COL24A1: variants seen among roughly 807,000 people sequenced by gnomAD.
COL24A1 encodes the protein collagen type XXIV alpha 1 chain.
A neutral mutation model predicts 253.9 loss-of-function variants in COL24A1; 224 were observed. The ratio of observed to expected loss-of-function variants is 0.88; its 90% CI spans 0.79 to 0.99. The LOEUF (loss-of-function observed/expected upper bound fraction) is 0.99. COL24A1 is among the 50% of genes least tolerant of loss of function. The pLI is 0.00. For synonymous variants in COL24A1, 685 were observed against 673.7 expected, an observed-to-expected ratio of 1.02 and a Z score of -0.26; for missense variants, 2,131 against 2,068.5, an observed-to-expected ratio of 1.03 and a Z score of -0.59.
intron 43 of COL24A1, among the ~76,000 whole-genome samples, chr1:85,828,515 C>T (rs1405847624): frequency 6.6e-6 from 1 of 151,408 alleles, no homozygotes; most frequent in Non-Finnish European, 1.5e-5. Context: ...CTAATGTTGA[C>T]AGTGGGGTGT....
intron 10 of COL24A1, among the ~76,000 whole-genome samples, 173 bp from the exon 11 acceptor site, chr1:86,050,350 CT>C (rs1700214645): frequency 6.6e-6 from 1 of 152,094 alleles, no homozygotes; most frequent in Non-Finnish European, 1.5e-5. Flanking sequence ...AAAGATCAAT[CT>C]TCCCATTAAA....
intron 38 of COL24A1, 42 bp from the exon 39 acceptor site, chr1:85,847,814 T>G (rs1483865932): frequency 7.7e-7 from 1 of 1,300,542 alleles, no homozygotes; most frequent in Non-Finnish European, 1.1e-6. Context: ...AGAAAAAAAT[T>G]TATACTTAGA....
intron 24 of COL24A1, among the ~76,000 whole-genome samples, chr1:85,926,140 A>G (rs1687183534): frequency 6.6e-6 from 1 of 152,212 alleles, no homozygotes; most frequent in Admixed American, 6.5e-5. Flanking sequence ...AGCTCACCCC[A>G]GTTAGAATGG....
At chr1:85,805,738 G>C (rs1051938207) in intron 47 of COL24A1, among the ~76,000 whole-genome samples, 7 of 152,172 alleles carry the variant, frequency 4.6e-5, no homozygotes, top group African/African-American at 1.7e-4. Flanking sequence ...TCTAAGCATT[G>C]TATGAATTTT....
chr1:85,843,757 C>T (rs1233478194), intron 39 of COL24A1, among the ~76,000 whole-genome samples: 1 of 152,048 alleles, frequency 6.6e-6, no homozygotes, highest in African/African-American at 2.4e-5. Flanking sequence ...CTGATGATTG[C>T]ATTTGCCTAG....
intron 24 of COL24A1, among the ~76,000 whole-genome samples, chr1:85,913,905 TG>T (rs1685611080): frequency 6.6e-6 from 1 of 152,214 alleles, no homozygotes; most frequent in African/African-American, 2.4e-5. Context: ...TATTGTAGGC[TG>T]GGTGACTTTA....
intron 32 of COL24A1, among the ~76,000 whole-genome samples, chr1:85,882,329 T>C (rs999677568): frequency 1.3e-5 from 2 of 152,090 alleles, no homozygotes; most frequent in African/African-American, 2.4e-5. Context: ...CCGGGCATGG[T>C]GGCGGGCGCC....
chr1:85,769,081 A>G (rs1004252627), intron 53 of COL24A1, among the ~76,000 whole-genome samples: 1 of 152,164 alleles, frequency 6.6e-6, no homozygotes, highest in Non-Finnish European at 1.5e-5. Context: ...CCTCTCTTAT[A>G]TAAGATAACC....
chr1:85,917,540 A>C (rs1452621845), intron 24 of COL24A1, among the ~76,000 whole-genome samples: 1 of 148,252 alleles, frequency 6.7e-6, no homozygotes, highest in African/African-American at 2.5e-5. Flanking sequence ...GTTTTATTTT[A>C]TTTTATTTAT....
At chr1:85,840,568 A>G (rs1021691283) in intron 42 of COL24A1, among the ~76,000 whole-genome samples, 1 of 152,244 alleles carries the variant, frequency 6.6e-6, no homozygotes, top group Non-Finnish European at 1.5e-5. Flanking sequence ...AGCCAATTAT[A>G]TAATATTTAT....
intron 28 of COL24A1, among the ~76,000 whole-genome samples, chr1:85,901,556 T>C (rs1303879115): frequency 6.6e-6 from 1 of 151,922 alleles, no homozygotes; most frequent in East Asian, 1.9e-4. Context: ...ATGCCTGTAA[T>C]CCCAGCACTT....
intron 18 of COL24A1, among the ~76,000 whole-genome samples, chr1:86,021,480 T>C (rs941817682): frequency 1.3e-5 from 2 of 152,112 alleles, no homozygotes; most frequent in Non-Finnish European, 2.9e-5. Flanking sequence ...GCCACCCAGG[T>C]GACCTTAGAT....
chr1:85,777,580 C>T lies in COL24A1; in HGVS notation c.4339-1871G>A, dbSNP rs114655065. ...TCATTCCTTTAGAAATGAGTATTCA[C>T]GTAATTTCAATTTTTTTTCCAATAA... On this transcript the variant is annotated intron_variant, in intron 52 of 59. Coordinates refer to ENST00000370571, the MANE Select transcript of COL24A1 (RefSeq NM_152890.7). 7.7e-3 allele frequency among the ~76,000 whole-genome samples: 1,172 copies of T among 152,020 alleles called. 13 individuals are homozygous for T. Among genetic ancestry groups the T allele is most frequent in the African/African-American group, 0.026 (1,084 of 41,484 alleles).
chr1:86,034,816 T>G (rs929201934), intron 12 of COL24A1, among the ~76,000 whole-genome samples: 2 of 152,112 alleles, frequency 1.3e-5, no homozygotes, highest in Non-Finnish European at 2.9e-5. Context: ...TACTACATTT[T>G]TCTCTAAAGA....
intron 24 of COL24A1, among the ~76,000 whole-genome samples, chr1:85,912,486 T>G (rs1246062845): frequency 1.1e-4 from 17 of 152,172 alleles, no homozygotes. Flanking sequence ...TTTAGATAGA[T>G]TCTCATACGA....
intron 57 of COL24A1, among the ~76,000 whole-genome samples, 200 bp from the exon 58 acceptor site, chr1:85,737,705 A>G (rs560901149): frequency 6.6e-6 from 1 of 152,078 alleles, no homozygotes; most frequent in Non-Finnish European, 1.5e-5. Context: ...CTGGGATTAC[A>G]GGAATGGGCC....
In COL24A1 at chr1:86,005,158, A is replaced by T. The variant is rs538104572; in HGVS notation, c.2310+11993T>A. ...ACTGGATTGACAGAGGCCACAGTTC[A>T]TCCTATTAACACAGTCAGATCACGT... On this transcript the variant is annotated intron_variant, in intron 19 of 59. Coordinates refer to ENST00000370571, the MANE Select transcript of COL24A1 (RefSeq NM_152890.7). Among the ~76,000 whole-genome samples, 147 of 152,338 alleles carry T rather than the reference A, an allele frequency of 9.6e-4. 1 individual carries two copies. Among genetic ancestry groups the T allele is most frequent in the Non-Finnish European group, 1.3e-3 (88 of 68,028 alleles).
rs1410370502 is a variant in COL24A1, at chr1:86,125,999, G to T, written c.337C>A (p.Gln113Lys). 1 of 1,613,584 alleles carries T rather than the reference G, an allele frequency of 6.2e-7. No individual in the cohort carries two copies. The highest frequency in any genetic ancestry group is 8.5e-7 in the Non-Finnish European group (1 of 1,179,770). The change falls in exon 3 of 60, where the codon CAG becomes AAG. Residue 113 changes from glutamine (Q) to lysine (K), a missense_variant. Coordinates refer to ENST00000370571, the MANE Select transcript of COL24A1 (RefSeq NM_152890.7). Reference sequence around the variant, plus strand: ...AATGCATTGTTCACCCGATGTGACTGTAACCCAGTTAATATTGTAAACGGC... The same window carrying T: ...AATGCATTGTTCACCCGATGTGACTTTAACCCAGTTAATATTGTAAACGGC... Reference protein sequence around the residue: ...GQPFTILTGLQSHRVNNAFLF... With the variant: ...GQPFTILTGLKSHRVNNAFLF...
At chr1:85,790,246 A>C (rs1228713101) in intron 47 of COL24A1, among the ~76,000 whole-genome samples, 1 of 152,128 alleles carries the variant, frequency 6.6e-6, no homozygotes, top group Non-Finnish European at 1.5e-5. Flanking sequence ...TTATTGGTCT[A>C]TTCAGGGATT....
Sources: gnomAD v4.1 joint callset for allele counts (sites outside exome capture counted in the v4.1 genomes callset) on GRCh38, gnomAD v4.1.1 for gene constraint, MANE v1.5 for transcripts, NCBI Gene and HGNC (gene_info 2026-07-23, HGNC 2026-07-21) for gene names.